The following GPC5 variants were observed in gnomAD, a reference collection of about 807,000 sequenced individuals.
The protein encoded by GPC5 is glypican 5.
Under a neutral mutation model 53.9 loss-of-function variants are expected in GPC5, and 47 were observed. The ratio of observed to expected loss-of-function variants is 0.87; its 90% CI spans 0.69 to 1.11. The LOEUF (loss-of-function observed/expected upper bound fraction) is 1.11. Among genes scored for constraint, GPC5 ranks in the 50% most tolerant of loss-of-function variants. The probability of loss-of-function intolerance (pLI) is 0.00; values close to 1 mark genes in which losing one functional copy is unlikely to be tolerated. For synonymous variants in GPC5, 286 were observed against 263.3 expected, an observed-to-expected ratio of 1.09 and a Z score of -0.84; for missense variants, 748 against 713.1, an observed-to-expected ratio of 1.05 and a Z score of -0.56.
chr13:92,583,679 A>G (rs571864257), intron 7 of GPC5, among the ~76,000 whole-genome samples: 34 of 152,330 alleles, frequency 2.2e-4, no homozygotes, highest in African/African-American at 8.2e-4. Flanking sequence ...TCACCAGGCA[A>G]GAAGCTATCC....
intron 2 of GPC5, among the ~76,000 whole-genome samples, chr13:91,465,402 A>T (rs906072462): frequency 6.6e-6 from 1 of 152,106 alleles, no homozygotes; most frequent in African/African-American, 2.4e-5. Context: ...ATGTTATGTA[A>T]ATGGAATCAT....
intron 7 of GPC5, among the ~76,000 whole-genome samples, chr13:92,567,742 A>G (rs1882905585): frequency 6.6e-6 from 1 of 152,112 alleles, no homozygotes; most frequent in Non-Finnish European, 1.5e-5. Flanking sequence ...TCCAGGGGAA[A>G]CACAGCACTG....
intron 7 of GPC5, among the ~76,000 whole-genome samples, chr13:92,281,529 G>T (rs1404244195): frequency 6.6e-6 from 1 of 152,110 alleles, no homozygotes; most frequent in African/African-American, 2.4e-5. Flanking sequence ...CACACGGCTG[G>T]GTACCCCTCT....
At chr13:92,832,634 C>T (rs1878085130) in intron 7 of GPC5, among the ~76,000 whole-genome samples, 1 of 152,052 alleles carries the variant, frequency 6.6e-6, no homozygotes, top group South Asian at 2.1e-4. Flanking sequence ...CCTCTTGGTA[C>T]CCCTTGACTC....
At chr13:91,474,534 A>G (rs949813981) in intron 2 of GPC5, among the ~76,000 whole-genome samples, 43 of 152,210 alleles carry the variant, frequency 2.8e-4, no homozygotes, top group African/African-American at 9.6e-4. Flanking sequence ...TGAGAGTCTG[A>G]TATATATGAT....
chr13:92,648,044 G>GTAA (rs1885831071), intron 7 of GPC5, among the ~76,000 whole-genome samples: 1 of 98,896 alleles, frequency 1.0e-5, no homozygotes, highest in African/African-American at 2.7e-5. Context: ...AGGATATAAA[G>GTAA]TAATTTTATA....
intron 7 of GPC5, among the ~76,000 whole-genome samples, chr13:92,297,508 A>G (rs1309507842): frequency 6.6e-6 from 1 of 150,836 alleles, no homozygotes; most frequent in African/African-American, 2.5e-5. Flanking sequence ...AAACACACCA[A>G]TCAGCACCCT....
Position 92,089,302 on chromosome 13 carries a change from C to T in GPC5, c.1402-55528C>T, listed in dbSNP as rs181227591. Among the ~76,000 whole-genome samples the T allele has an allele frequency of 8.1e-4, 122 of 151,496 alleles. 1 individual carries two copies. The highest frequency in any genetic ancestry group is 5.4e-3 in the Admixed American group (83 of 15,260). On this transcript the variant is annotated intron_variant, in intron 6 of 7. Coordinates refer to ENST00000377067, the MANE Select transcript of GPC5 (RefSeq NM_004466.6). The stretch of plus-strand genomic sequence containing the variant: ...ACAAAAAATTAGCCAGGCATTGTGG[C>T]GGGCGGCTGTAGTCCCAGCTACTCA...
chr13:91,512,004 A>G (rs1452020981), intron 2 of GPC5, among the ~76,000 whole-genome samples: 1 of 152,178 alleles, frequency 6.6e-6, no homozygotes, highest in Non-Finnish European at 1.5e-5. Flanking sequence ...TAAGCTATTA[A>G]TGTGGGAGTC....
chr13:92,228,605 G>A (rs2042506398), intron 7 of GPC5, among the ~76,000 whole-genome samples: 1 of 151,962 alleles, frequency 6.6e-6, no homozygotes, highest in South Asian at 2.1e-4. Context: ...AAAATCCTAA[G>A]GAAGATGATC....
chr13:92,693,195 G>A (rs1405843485), intron 7 of GPC5, among the ~76,000 whole-genome samples: 1 of 152,054 alleles, frequency 6.6e-6, no homozygotes, highest in Non-Finnish European at 1.5e-5. Flanking sequence ...CCAGTCTCAG[G>A]TAGTTCTTTA....
chr13:92,091,965 A>T (rs1335324042), intron 6 of GPC5, among the ~76,000 whole-genome samples: 1 of 152,236 alleles, frequency 6.6e-6, no homozygotes. Context: ...TAGTACTCAC[A>T]ATTAAGTGGA....
chr13:91,425,662 C>G (rs999669020), intron 1 of GPC5, among the ~76,000 whole-genome samples: 2 of 152,120 alleles, frequency 1.3e-5, no homozygotes, highest in African/African-American at 4.8e-5. Flanking sequence ...TATAAATTAC[C>G]CAGTCTTGGG....
chr13:92,062,841 G>A (rs1446436958), intron 6 of GPC5, among the ~76,000 whole-genome samples: 3 of 151,958 alleles, frequency 2.0e-5, no homozygotes, highest in Non-Finnish European at 2.9e-5. Flanking sequence ...TTTATATGCA[G>A]TGTAACATTC....
chr13:92,016,847 C>A (rs563150194), intron 6 of GPC5, among the ~76,000 whole-genome samples: 2 of 151,764 alleles, frequency 1.3e-5, no homozygotes, highest in Non-Finnish European at 2.9e-5. Context: ...CCTCTTCAGC[C>A]GAGTCTCCAC....
In GPC5 at chr13:91,693,622, A is replaced by C; in HGVS notation, c.761A>C (p.Lys254Thr). 1 of 1,614,142 alleles carries C rather than the reference A, an allele frequency of 6.2e-7. No homozygotes were observed. Among genetic ancestry groups the C allele is most frequent in the Non-Finnish European group, 8.5e-7 (1 of 1,180,022 alleles). ...AAAGAGTGCAGCAGAGCCCTCCTGA[A>C]GATGCAATACTGCCCGCACTGCCAA... ...FSKECSRALL[K>T]MQYCPHCQGL... is the part of the protein sequence containing the mutation. Residue 254 changes from lysine (K) to threonine (T), a missense_variant, in exon 3 of 8, where the codon AAG (lysine) becomes ACG (threonine). By Grantham distance (78) the Lys-to-Thr change is moderately conservative. Coordinates refer to ENST00000377067, the MANE Select transcript of GPC5 (RefSeq NM_004466.6).
At chr13:92,550,459 A>C (rs1882274077) in intron 7 of GPC5, among the ~76,000 whole-genome samples, 1 of 151,918 alleles carries the variant, frequency 6.6e-6, no homozygotes, top group Non-Finnish European at 1.5e-5. Flanking sequence ...ACTATAAATT[A>C]ATTTTATCAA....
chr13:92,662,047 C>T (rs1486180725), intron 7 of GPC5, among the ~76,000 whole-genome samples: 1 of 152,142 alleles, frequency 6.6e-6, no homozygotes, highest in Admixed American at 6.5e-5. Flanking sequence ...GATCAAGTCC[C>T]ACTTTTCCAA....
chr13:92,141,907 T>A (rs1346487718), intron 6 of GPC5, among the ~76,000 whole-genome samples: 1 of 152,122 alleles, frequency 6.6e-6, no homozygotes, highest in Non-Finnish European at 1.5e-5. Flanking sequence ...GTACAGTTCC[T>A]TGCCATAGGA....
Sources: gnomAD v4.1 joint callset for allele counts (sites outside exome capture counted in the v4.1 genomes callset) on GRCh38, gnomAD v4.1.1 for gene constraint, MANE v1.5 for transcripts, NCBI Gene and HGNC (gene_info 2026-07-23, HGNC 2026-07-21) for gene names.